Variants in GAREM1 observed in about 807,000 individuals in gnomAD.
The protein encoded by GAREM1 is GRB2-associated and regulator of MAPK protein 1.
GAREM1 carries 26 observed loss-of-function variants against 71.3 expected under a neutral mutation model. That is an observed-to-expected ratio of 0.36 (90% CI 0.27 to 0.51). The LOEUF (loss-of-function observed/expected upper bound fraction) is 0.51, where lower values mean the gene tolerates loss of function less well. GAREM1 is among the 20% of genes least tolerant of loss of function. The pLI, the probability that GAREM1 is intolerant of heterozygous loss-of-function variation, is 0.95. For missense variants in GAREM1, 1,026 were observed against 1,103.1 expected (o/e 0.93, Z 0.99); for synonymous variants, 440 against 433.2 (o/e 1.02, Z -0.20).
chr18:32,373,639 C>G (rs189975861), intron 2 of GAREM1, among the ~76,000 whole-genome samples: 1 of 152,340 alleles, frequency 6.6e-6, no homozygotes, highest in East Asian at 1.9e-4. Context: ...AAGGCGACAG[C>G]TGACACATGC....
rs75636454 is a variant in GAREM1 at position 32,303,266 on chromosome 18, T to C, written c.393+6927A>G. ...TGAGACTTGAGAGTAGTAATTTTAA[T>C]GTAGAAAGCTTCTGGATTACATCAG... On this transcript the variant is annotated intron_variant, in intron 3 of 5. Coordinates refer to ENST00000269209, the MANE Select transcript of GAREM1 (RefSeq NM_001242409.2). 1.9e-3 allele frequency among the ~76,000 whole-genome samples: 295 copies of C among 152,290 alleles called. 10 individuals are homozygous for C. The East Asian group carries it at 0.046, about 24-fold the overall frequency.
intron 3 of GAREM1, among the ~76,000 whole-genome samples, chr18:32,290,541 A>C (rs2047070316): frequency 6.7e-6 from 1 of 150,224 alleles, no homozygotes; most frequent in South Asian, 2.1e-4. Context: ...GGTACTTTGG[A>C]GGCTGAGGCA....
At chr18:32,279,246 G>A (rs1031617591) in intron 4 of GAREM1, among the ~76,000 whole-genome samples, 4 of 152,160 alleles carry the variant, frequency 2.6e-5, no homozygotes, top group Non-Finnish European at 4.4e-5. Flanking sequence ...CAACTTTTGG[G>A]ATATGGACTG....
intron 1 of GAREM1, among the ~76,000 whole-genome samples, chr18:32,400,514 GAT>G (rs2048304561): frequency 6.6e-6 from 1 of 152,124 alleles, no homozygotes; most frequent in Non-Finnish European, 1.5e-5. Context: ...GTGGGTGAAG[GAT>G]ATGAACAGAC....
intron 3 of GAREM1, among the ~76,000 whole-genome samples, chr18:32,291,165 A>G (rs2047079997): frequency 6.6e-6 from 1 of 152,194 alleles, no homozygotes; most frequent in Non-Finnish European, 1.5e-5. Flanking sequence ...AATGAGAATA[A>G]TGAATCCAAG....
intron 2 of GAREM1, among the ~76,000 whole-genome samples, chr18:32,371,413 C>T (rs1006337907): frequency 2.0e-5 from 3 of 152,192 alleles, no homozygotes; most frequent in Non-Finnish European, 4.4e-5. Context: ...TAAAAGGCCC[C>T]TATAAGTGAA....
At chr18:32,451,819 G>A (rs1452729615) in intron 1 of GAREM1, among the ~76,000 whole-genome samples, 1 of 152,156 alleles carries the variant, frequency 6.6e-6, no homozygotes, top group African/African-American at 2.4e-5. Flanking sequence ...GGAGGAGCAT[G>A]TTTGCAAACA....
chr18:32,290,639 T>C (rs1477975165), intron 3 of GAREM1, among the ~76,000 whole-genome samples: 3 of 122,036 alleles, frequency 2.5e-5, no homozygotes, highest in Admixed American at 1.7e-4. Flanking sequence ...AGACAGACTG[T>C]CTGAAAAAAA....
Position 32,287,907 on chromosome 18 carries a change from T to C in GAREM1, c.690A>G (p.Gln230=). 1.9e-6 allele frequency: 3 copies of C among 1,614,028 alleles called. No homozygotes were observed. Among genetic ancestry groups the C allele is most frequent in the Non-Finnish European group, 2.5e-6 (3 of 1,179,998 alleles). Residue 230 remains glutamine (Q), a synonymous_variant, in exon 4 of 6, where the codon CAA becomes CAG. Transcript: ENST00000269209. This position sits in a 1 kb window ranked among gnomAD's most constrained non-coding sequence, Gnocchi z 5.9. ...STRSPLELQM[Q]EGEHTIRNIV... Reference sequence around the variant, plus strand: ...TGTTGCGGATGGTGTGTTCGCCCTCTTGCATCTGAAGTTCCAGGGGACTTC... The same window carrying C: ...TGTTGCGGATGGTGTGTTCGCCCTCCTGCATCTGAAGTTCCAGGGGACTTC...
chr18:32,442,137 T>C (rs1363158480), intron 1 of GAREM1, among the ~76,000 whole-genome samples: 1 of 152,218 alleles, frequency 6.6e-6, no homozygotes, highest in Non-Finnish European at 1.5e-5. Context: ...TCCGTTGTTC[T>C]ACTTAGCACT....
intron 1 of GAREM1, among the ~76,000 whole-genome samples, chr18:32,461,699 A>T (rs1051374438): frequency 6.6e-6 from 1 of 152,116 alleles, no homozygotes; most frequent in African/African-American, 2.4e-5. Flanking sequence ...TGTCTCAAAA[A>T]ATAAATAAAT....
Position 32,287,895 on chromosome 18 carries a change from G to A in GAREM1, c.702C>T (p.His234=), listed in dbSNP as rs1375683567. ...PLELQMQEGE[H]TIRNIVEKTR... ...TTTTCTCCACAATGTTGCGGATGGT[G>A]TGTTCGCCCTCTTGCATCTGAAGTT... The change falls in exon 4 of 6, where the codon CAC becomes CAT. Residue 234 remains histidine, a synonymous_variant. Coordinates refer to ENST00000269209, the MANE Select transcript of GAREM1 (RefSeq NM_001242409.2). The surrounding 1 kb of genome is among the most constrained non-coding windows in gnomAD (Gnocchi z 5.9). 5 of 1,613,982 alleles carry A rather than the reference G, an allele frequency of 3.1e-6. No homozygotes were observed. The highest frequency in any genetic ancestry group is 1.7e-5 in the Admixed American group (1 of 60,000).
At chr18:32,292,597 C>G (rs1001368257) in intron 3 of GAREM1, among the ~76,000 whole-genome samples, 2 of 152,096 alleles carry the variant, frequency 1.3e-5, no homozygotes, top group East Asian at 1.9e-4. Context: ...AAGCTGTTCT[C>G]GTGATAGTGA....
chr18:32,290,427 T>C (rs573683672), intron 3 of GAREM1: 1 of 152,100 alleles, frequency 6.6e-6, no homozygotes, highest in South Asian at 2.1e-4. Flanking sequence ...AGCAGCTTTT[T>C]AAAAGTAAGG....
At chr18:32,295,704 G>C (rs1298174506) in intron 3 of GAREM1, among the ~76,000 whole-genome samples, 1 of 152,302 alleles carries the variant, frequency 6.6e-6, no homozygotes, top group East Asian at 1.9e-4. Context: ...CAGCTTTGTT[G>C]TTTCCAATAG....
chr18:32,297,799 T>C (rs2047157770), intron 3 of GAREM1, among the ~76,000 whole-genome samples: 1 of 152,200 alleles, frequency 6.6e-6, no homozygotes, highest in African/African-American at 2.4e-5. Flanking sequence ...TAGAACTTTG[T>C]GAAAAACTTG....
chr18:32,407,908 G>A (rs2048379716), intron 1 of GAREM1, among the ~76,000 whole-genome samples: 1 of 151,834 alleles, frequency 6.6e-6, no homozygotes, highest in African/African-American at 2.4e-5. Context: ...TTTAAATATT[G>A]CAATGCCTGC....
intron 2 of GAREM1, among the ~76,000 whole-genome samples, chr18:32,325,328 A>AATGT (rs1199589119): frequency 6.6e-6 from 1 of 152,140 alleles, no homozygotes; most frequent in Non-Finnish European, 1.5e-5. Context: ...AAACTCACAG[A>AATGT]ATGTACAACA....
intron 1 of GAREM1, among the ~76,000 whole-genome samples, chr18:32,456,074 T>C (rs981947025): frequency 9.2e-5 from 14 of 152,134 alleles, no homozygotes; most frequent in African/African-American, 3.4e-4. Context: ...ATGTACAATC[T>C]AGGTGTCAGG....
Sources: gnomAD v4.1 joint callset for allele counts (sites outside exome capture counted in the v4.1 genomes callset) on GRCh38, gnomAD v4.1.1 for gene constraint, Gnocchi (gnomAD v3.1) non-coding constraint, MANE v1.5 for transcripts, NCBI Gene and HGNC (gene_info 2026-07-23, HGNC 2026-07-21) for gene names.